Variants in WDPCP observed in about 807,000 individuals in gnomAD.
The protein encoded by WDPCP is WD repeat containing planar cell polarity effector.
Under a neutral mutation model 93.1 loss-of-function variants are expected in WDPCP, and 71 were observed. The observed-to-expected ratio is 0.76, with a 90% CI of 0.63 to 0.93. The LOEUF is 0.93. WDPCP is among the 40% of genes least tolerant of loss of function. WDPCP has a pLI of 0.00. For synonymous variants in WDPCP, 315 were observed against 315.0 expected (o/e 1.00, Z 0.00); for missense variants, 844 against 887.4 (o/e 0.95, Z 0.62).
intron 2 of WDPCP, among the ~76,000 whole-genome samples, chr2:63,489,469 G>A (rs1230651995): frequency 1.3e-5 from 2 of 152,074 alleles, no homozygotes; most frequent in African/African-American, 2.4e-5. Context: ...AATAATGAGT[G>A]CACCTAAAGC....
At chr2:63,729,423 G>C (rs555708591) in intron 2 of WDPCP, among the ~76,000 whole-genome samples, 10 of 152,238 alleles carry the variant, frequency 6.6e-5, no homozygotes, top group South Asian at 6.2e-4. Flanking sequence ...CAGAATAGGT[G>C]GTGGTGGGGG....
upstream of WDPCP, among the ~76,000 whole-genome samples, chr2:63,592,044 T>C (rs1709209662): frequency 6.6e-6 from 1 of 152,228 alleles, no homozygotes; most frequent in African/African-American, 2.4e-5. Flanking sequence ...CTTTAATTAC[T>C]ACTCTCTACT....
At chr2:63,229,410 T>A (rs1219040383) in intron 14 of WDPCP, 1 of 152,154 alleles carries the variant, frequency 6.6e-6, no homozygotes, top group Admixed American at 6.5e-5. Flanking sequence ...GGTAGTTTCT[T>A]TTGCTGTGCA....
At chr2:63,338,569 A>ATAT (rs1356124909) in intron 12 of WDPCP, among the ~76,000 whole-genome samples, 3 of 14,448 alleles carry the variant, frequency 2.1e-4, no homozygotes, top group African/African-American at 6.1e-4. Flanking sequence ...AAAAAAAAAA[A>ATAT]ATATATATAT....
rs1046693671 is a variant in WDPCP at position 63,365,099 on chromosome 2, C to T, written c.1748+13287G>A. Among the ~76,000 whole-genome samples, 8 of 152,254 alleles carry T rather than the reference C, an allele frequency of 5.3e-5. No homozygotes were observed. In the South Asian group the frequency reaches 6.2e-4, roughly 12 times the overall value. On this transcript the variant is annotated intron_variant, in intron 12 of 17. Coordinates refer to ENST00000272321, the MANE Select transcript of WDPCP (RefSeq NM_015910.7). Reference sequence around the variant, plus strand: ...GCAACTGCAGTCAAAGTAAAGGTCCCGGCCATGTACTGACTTGGAATGGGT... The same window carrying T: ...GCAACTGCAGTCAAAGTAAAGGTCCTGGCCATGTACTGACTTGGAATGGGT...
At chr2:63,238,993 T>C (rs1292605946) in intron 14 of WDPCP, among the ~76,000 whole-genome samples, 5 of 152,078 alleles carry the variant, frequency 3.3e-5, no homozygotes, top group African/African-American at 4.8e-5. Context: ...TCACTGAACA[T>C]ACAGTTGGGA....
chr2:63,725,901 TTTG>T (rs1175973672), intron 2 of WDPCP, among the ~76,000 whole-genome samples: 1 of 152,090 alleles, frequency 6.6e-6, no homozygotes, highest in East Asian at 1.9e-4. Context: ...TTTTCTTTTG[TTTG>T]TTAATTTTTT....
intron 14 of WDPCP, among the ~76,000 whole-genome samples, chr2:63,197,449 C>T (rs1283709437): frequency 6.6e-6 from 1 of 152,092 alleles, no homozygotes; most frequent in Non-Finnish European, 1.5e-5. Context: ...GGGGGTGCCC[C>T]TAAACCCCCA....
chr2:63,296,393 G>C (rs1684858052), intron 13 of WDPCP, among the ~76,000 whole-genome samples: 1 of 152,102 alleles, frequency 6.6e-6, no homozygotes, highest in African/African-American at 2.4e-5. Context: ...ACAAGACAAG[G>C]ATTTCCACTC....
intron 1 of WDPCP, among the ~76,000 whole-genome samples, chr2:63,572,125 C>T (rs1331935482): frequency 2.0e-5 from 3 of 152,164 alleles, no homozygotes; most frequent in East Asian, 1.9e-4. Flanking sequence ...AATCCCATAT[C>T]GTGTATTCCA....
At chr2:63,609,392 T>C (rs372556279) in intron 3 of WDPCP, among the ~76,000 whole-genome samples, 4 of 151,616 alleles carry the variant, frequency 2.6e-5, no homozygotes, top group Non-Finnish European at 5.9e-5. Flanking sequence ...TATATATATA[T>C]ACACACACTA....
chr2:63,467,117 G>A (rs1321370095), intron 6 of WDPCP, among the ~76,000 whole-genome samples: 1 of 152,128 alleles, frequency 6.6e-6, no homozygotes, highest in Non-Finnish European at 1.5e-5. Context: ...AATTATCATA[G>A]GTCATTGAAT....
intron 2 of WDPCP, among the ~76,000 whole-genome samples, chr2:63,805,382 G>A (rs753788871): frequency 1.4e-4 from 22 of 152,174 alleles, no homozygotes; most frequent in Non-Finnish European, 2.8e-4. Context: ...AGGGCTGAGA[G>A]CTAAATGAGC....
rs529812336 is a variant in WDPCP at position 63,652,991 on chromosome 2, C to T, written n.309-2153G>A. ...CCATTCTCAGATATTGGATAATAGG[C>T]AGTGCAGTACTATGATGTTCAAGAG... On this transcript the variant is annotated intron_variant and non_coding_transcript_variant, in intron 2 of 4. Coordinates refer to the WDPCP transcript ENST00000467687. Among the ~76,000 whole-genome samples, 46 of 150,268 alleles carry T rather than the reference C, an allele frequency of 3.1e-4. No homozygotes were observed. The Middle Eastern group carries it at 0.01, about 33-fold the overall frequency.
chr2:63,411,872 T>C (rs925508915), intron 9 of WDPCP, among the ~76,000 whole-genome samples: 3 of 152,000 alleles, frequency 2.0e-5, no homozygotes, highest in African/African-American at 7.2e-5. Flanking sequence ...AGCAGTGAGA[T>C]TGAAACGGTA....
intron 15 of WDPCP, among the ~76,000 whole-genome samples, chr2:63,163,405 G>C (rs1672758887): frequency 6.6e-6 from 1 of 152,140 alleles, no homozygotes; most frequent in African/African-American, 2.4e-5. Flanking sequence ...TCTCTAGTGA[G>C]TTTCTGGTTT....
At chr2:63,742,358 C>T (rs967723524) in intron 2 of WDPCP, among the ~76,000 whole-genome samples, 7 of 151,714 alleles carry the variant, frequency 4.6e-5, no homozygotes, top group African/African-American at 1.7e-4. Context: ...TTTTAGTGGT[C>T]CTCTTAATTA....
chr2:63,799,865 C>G (rs1039798878), intron 2 of WDPCP, among the ~76,000 whole-genome samples: 1 of 152,102 alleles, frequency 6.6e-6, no homozygotes, highest in African/African-American at 2.4e-5. Flanking sequence ...GTAATGAACT[C>G]AATTCGTTCA....
At chr2:63,290,535 C>T (rs750267015) in intron 13 of WDPCP, among the ~76,000 whole-genome samples, 25 of 152,140 alleles carry the variant, frequency 1.6e-4, no homozygotes, top group East Asian at 1.5e-3. Flanking sequence ...CATGTAGAGA[C>T]GAGTTTTCAT....
Sources: allele counts gnomAD v4.1 joint callset (sites outside exome capture counted in the v4.1 genomes callset), GRCh38; gene constraint gnomAD v4.1.1; transcripts MANE v1.5; gene names NCBI Gene and HGNC (gene_info 2026-07-23, HGNC 2026-07-21).